Variants in DAPK1 observed in about 807,000 individuals in gnomAD.
DAPK1 encodes death associated protein kinase 1.
Under a neutral mutation model 144.9 loss-of-function variants are expected in DAPK1, and 56 were observed. That is an observed-to-expected ratio of 0.39 (90% confidence interval 0.31 to 0.48). The LOEUF (loss-of-function observed/expected upper bound fraction) is 0.48, where lower values mean the gene tolerates loss of function less well. Among genes scored for constraint, DAPK1 ranks in the 20% least tolerant of loss-of-function variants. The probability of loss-of-function intolerance (pLI) is 0.95; values close to 1 mark genes in which losing one functional copy is unlikely to be tolerated. For missense variants in DAPK1, 1,454 were observed against 1,875.4 expected (o/e 0.78, Z 4.15); for synonymous variants, 690 against 749.0 (o/e 0.92, Z 1.29).
At chr9:87,627,507 C>G (rs1224345144) in intron 3 of DAPK1, among the ~76,000 whole-genome samples, 1 of 152,194 alleles carries the variant, frequency 6.6e-6, no homozygotes. Flanking sequence ...CTCCCTCTCC[C>G]CTTGCCCCCG....
In DAPK1 at chr9:87,551,337, G is replaced by A. The variant is rs1030926709; in HGVS notation, c.62+52198G>A. On this transcript the variant is annotated intron_variant, in intron 2 of 25. Coordinates refer to ENST00000408954, the MANE Select transcript of DAPK1 (RefSeq NM_004938.4). ...TAATTTTTGTATTTTTACTAGAGAC[G>A]GGGTTTCACCATGTTGGCCAGGCTG... is the stretch of plus-strand genomic sequence containing the variant. Among the ~76,000 whole-genome samples, 5 of 151,932 alleles carry A rather than the reference G, an allele frequency of 3.3e-5. No homozygotes were observed. In the South Asian group the frequency reaches 6.2e-4, roughly 19 times the overall value.
At chr9:87,559,061 T>A (rs7037045) in intron 2 of DAPK1, among the ~76,000 whole-genome samples, 66,954 of 152,072 alleles carry the variant, frequency 0.44, 17,409 homozygotes, top group African/African-American at 0.72. Context: ...TATCTCCTCC[T>A]TCTCCCCAAC....
intron 3 of DAPK1, among the ~76,000 whole-genome samples, chr9:87,631,097 C>T (rs911551160): frequency 4.6e-5 from 7 of 152,108 alleles, no homozygotes; most frequent in Middle Eastern, 3.2e-3. Context: ...AGCCAGGCCT[C>T]GAAGGTGTGC....
intron 21 of DAPK1, among the ~76,000 whole-genome samples, chr9:87,690,228 T>TC (rs1825009003): frequency 2.0e-5 from 3 of 152,182 alleles, no homozygotes; most frequent in Admixed American, 6.5e-5. Flanking sequence ...CCTCTTTGGT[T>TC]AAATTTATTC....
rs773105002 is a variant in DAPK1, at chr9:87,648,853, G to A, written c.1402G>A (p.Gly468Ser). The part of the protein sequence containing the change: ...ADVAQLLCSF[G>S]SNPNIQDKEE... ...CGTGGCTCAGTTACTGTGCAGCTTCGGCTCAAATCCCAATATCCAGGACAA... is the reference window on the plus strand; with the variant it reads ...CGTGGCTCAGTTACTGTGCAGCTTCAGCTCAAATCCCAATATCCAGGACAA... The change falls in exon 15 of 26, where the codon GGC becomes AGC. Residue 468 changes from glycine to serine, a missense_variant. Gly to Ser is a moderately conservative substitution (Grantham distance 56). Transcript: ENST00000408954. 17 of 1,614,188 alleles carry A rather than the reference G, an allele frequency of 1.1e-5. No homozygotes were observed. Among genetic ancestry groups the A allele is most frequent in the Non-Finnish European group, 1.2e-5 (14 of 1,180,018 alleles).
chr9:87,614,612 A>G (rs186178374), intron 3 of DAPK1, among the ~76,000 whole-genome samples: 1 of 152,178 alleles, frequency 6.6e-6, no homozygotes, highest in Admixed American at 6.5e-5. Flanking sequence ...TGCTTCCCCA[A>G]CCTGCACATC....
intron 2 of DAPK1, among the ~76,000 whole-genome samples, chr9:87,551,606 A>G (rs536187098): frequency 6.6e-6 from 1 of 152,328 alleles, no homozygotes; most frequent in East Asian, 1.9e-4. Flanking sequence ...AGGACAGGAC[A>G]GCAGCTTTTG....
chr9:87,624,161 C>T (rs930380600), intron 3 of DAPK1, among the ~76,000 whole-genome samples: 1 of 152,206 alleles, frequency 6.6e-6, no homozygotes, highest in Non-Finnish European at 1.5e-5. Context: ...CTTGCAGCCA[C>T]AGCTGGAGCA....
At chr9:87,584,257 C>T (rs1827857998) in intron 2 of DAPK1, among the ~76,000 whole-genome samples, 1 of 152,118 alleles carries the variant, frequency 6.6e-6, no homozygotes, top group African/African-American at 2.4e-5. Context: ...CTATAGTCAC[C>T]ATGTTGTAAA....
intron 21 of DAPK1, among the ~76,000 whole-genome samples, chr9:87,694,370 C>G (rs2117997259): frequency 6.6e-6 from 1 of 152,294 alleles, no homozygotes; most frequent in Middle Eastern, 3.4e-3. Flanking sequence ...CCCAGGTCCC[C>G]AGACAGCATA....
chr9:87,566,101 A>C (rs1026344686), intron 2 of DAPK1, among the ~76,000 whole-genome samples: 1 of 150,824 alleles, frequency 6.6e-6, no homozygotes, highest in African/African-American at 2.4e-5. Flanking sequence ...GCTCACTGCA[A>C]GCTCCGCCTC....
intron 3 of DAPK1, among the ~76,000 whole-genome samples, chr9:87,622,435 C>A (rs1051006754): frequency 6.6e-6 from 1 of 152,032 alleles, no homozygotes; most frequent in African/African-American, 2.4e-5. Flanking sequence ...CTCTTACAAA[C>A]CAAGTCTCTG....
At chr9:87,568,412 C>T (rs1342841067) in intron 2 of DAPK1, among the ~76,000 whole-genome samples, 1 of 152,250 alleles carries the variant, frequency 6.6e-6, no homozygotes, top group Non-Finnish European at 1.5e-5. Flanking sequence ...AAGCAACACT[C>T]CTTGGTGAAT....
chr9:87,597,406 T>TG (rs1225476987), intron 2 of DAPK1, among the ~76,000 whole-genome samples: 2 of 151,928 alleles, frequency 1.3e-5, no homozygotes, highest in African/African-American at 2.4e-5. Context: ...TGAGTTCCAA[T>TG]GGGGGGGAAA....
chr9:87,580,042 G>A (rs1202809298), intron 2 of DAPK1, among the ~76,000 whole-genome samples: 1 of 152,088 alleles, frequency 6.6e-6, no homozygotes, highest in Non-Finnish European at 1.5e-5. Context: ...AAGCTGGACT[G>A]TATGAAAAAC....
In DAPK1 at chr9:87,547,576, AGAGTGT is replaced by A. The variant is rs1409145762; in HGVS notation, c.62+48439_62+48444del. Among the ~76,000 whole-genome samples, 18 of 145,530 alleles carry A rather than the reference AGAGTGT, an allele frequency of 1.2e-4. No individual in the cohort carries two copies. In the East Asian group the frequency reaches 1.4e-3, roughly 11 times the overall value. ...ACCATAAGTGTGTGTGGAGAGAGAG[AGAGTGT>A]GTGTGTGTGTGTGTGTGTGTGTGCG... On this transcript the variant is annotated intron_variant, in intron 2 of 25. Coordinates refer to ENST00000408954, the MANE Select transcript of DAPK1 (RefSeq NM_004938.4).
At chr9:87,592,101 G>A (rs36206045) in intron 2 of DAPK1, among the ~76,000 whole-genome samples, 15,432 of 152,228 alleles carry the variant, frequency 0.1, 1,435 homozygotes, top group African/African-American at 0.25. Context: ...CAGTGTTTCC[G>A]TATCACTGCA....
intron 3 of DAPK1, among the ~76,000 whole-genome samples, chr9:87,613,693 A>G (rs1387971231): frequency 6.6e-6 from 1 of 152,226 alleles, no homozygotes; most frequent in African/African-American, 2.4e-5. Context: ...AAAAGTGGCA[A>G]AAATTGTACA....
intron 2 of DAPK1, among the ~76,000 whole-genome samples, chr9:87,546,185 T>C (rs1826244679): frequency 6.6e-6 from 1 of 152,126 alleles, no homozygotes; most frequent in African/African-American, 2.4e-5. Flanking sequence ...CTTACAGATC[T>C]GGGAGATGAC....
Sources: allele counts gnomAD v4.1 joint callset (sites outside exome capture counted in the v4.1 genomes callset), GRCh38; gene constraint gnomAD v4.1.1; transcripts MANE v1.5; gene names NCBI Gene and HGNC (gene_info 2026-07-23, HGNC 2026-07-21).